Variants in NOL10 observed in about 807,000 individuals in gnomAD.
NOL10 encodes H_NH0074G24.1.
Under a neutral mutation model 103.5 loss-of-function variants are expected in NOL10, and 58 were observed. That is an observed-to-expected ratio of 0.56 (90% CI 0.45 to 0.70). NOL10 has a LOEUF of 0.70. Among genes scored for constraint, NOL10 ranks in the 30% least tolerant of loss-of-function variants. NOL10 has a pLI of 0.00. For synonymous variants in NOL10, 287 were observed against 282.5 expected, an observed-to-expected ratio of 1.02 and a Z score of -0.16; for missense variants, 763 against 807.3, an observed-to-expected ratio of 0.95 and a Z score of 0.67.
At chr2:10,632,071 C>A (rs1231360433) in intron 13 of NOL10, among the ~76,000 whole-genome samples, 1 of 152,170 alleles carries the variant, frequency 6.6e-6, no homozygotes, top group African/African-American at 2.4e-5. Flanking sequence ...GCAAACCAGC[C>A]ATGGTCAAAG....
intron 13 of NOL10, among the ~76,000 whole-genome samples, chr2:10,630,140 T>C (rs182105048): frequency 6.1e-4 from 93 of 152,340 alleles, no homozygotes; most frequent in African/African-American, 2.1e-3. Flanking sequence ...ACCCCGTGAA[T>C]TCTGTTCATT....
At chr2:10,619,887 G>A (rs1287830216) in intron 13 of NOL10, among the ~76,000 whole-genome samples, 1 of 152,150 alleles carries the variant, frequency 6.6e-6, no homozygotes, top group Admixed American at 6.5e-5. Flanking sequence ...TTCACTTCCA[G>A]ACTTTGCAAT....
chr2:10,612,984 A>C (rs1201545881), intron 13 of NOL10, among the ~76,000 whole-genome samples: 1 of 149,220 alleles, frequency 6.7e-6, no homozygotes, highest in Non-Finnish European at 1.5e-5. Flanking sequence ...AGCCTGGGCA[A>C]CAGAATAAGA....
At chr2:10,612,082 C>CACT (rs1676604094) in intron 13 of NOL10, among the ~76,000 whole-genome samples, 1 of 151,826 alleles carries the variant, frequency 6.6e-6, no homozygotes, top group Admixed American at 6.6e-5. Context: ...ATGATGGTGC[C>CACT]ACTGCCCTCC....
At chr2:10,607,750 T>TTTATTATTATTATTATTATTATTA (rs373298093) in intron 13 of NOL10, among the ~76,000 whole-genome samples, 4,133 of 144,670 alleles carry the variant, frequency 0.029, 92 homozygotes, top group East Asian at 0.13. Context: ...AAAAACAATA[T>TTTATTATTATTATTATTATTATTA]TTATTATTAT....
intron 20 of NOL10, among the ~76,000 whole-genome samples, chr2:10,576,281 T>C (rs1007569656): frequency 3.9e-5 from 6 of 152,278 alleles, no homozygotes; most frequent in Non-Finnish European, 4.4e-5. Context: ...GAATGTAAAA[T>C]GGTGCAGCCA....
At chr2:10,606,798 A>T (rs190795075) in intron 14 of NOL10, among the ~76,000 whole-genome samples, 21 of 152,242 alleles carry the variant, frequency 1.4e-4, no homozygotes, top group African/African-American at 5.1e-4. Context: ...CAAACCTAAA[A>T]GGGAGGCAGG....
chr2:10,652,640 A>C (rs1037099056), intron 12 of NOL10, among the ~76,000 whole-genome samples: 1 of 151,988 alleles, frequency 6.6e-6, no homozygotes, highest in Admixed American at 6.6e-5. Context: ...GTCCATTCCC[A>C]TCCGGTTTCT....
intron 17 of NOL10, 120 bp from the exon 18 acceptor site, chr2:10,589,871 A>C (rs914630100): frequency 7.2e-6 from 4 of 556,468 alleles, no homozygotes; most frequent in Non-Finnish European, 1.1e-5. Flanking sequence ...GGCATACATT[A>C]TTAACTCATT....
chr2:10,630,880 TGA>T (rs1319854596), intron 13 of NOL10, among the ~76,000 whole-genome samples: 2 of 152,228 alleles, frequency 1.3e-5, no homozygotes, highest in Admixed American at 1.3e-4. Flanking sequence ...GGACAAGATT[TGA>T]GCAACGACTT....
intron 12 of NOL10, among the ~76,000 whole-genome samples, chr2:10,645,934 CACACACACAT>C (rs1488089948): frequency 7.8e-6 from 1 of 128,666 alleles, no homozygotes; most frequent in African/African-American, 3.6e-5. Flanking sequence ...ACAAAACACA[CACACACACAT>C]ACACACACAC....
rs139887654 is a variant in NOL10 at position 10,623,907 on chromosome 2, G to A, written c.1027-16596C>T. On this transcript the variant is annotated intron_variant, in intron 13 of 20. Transcript: ENST00000381685. ...AACATTGACAACACCAAATGCTGACGAGCATGTGGAGCAACAGGAACTCTC... is the reference window on the plus strand; with the variant it reads ...AACATTGACAACACCAAATGCTGACAAGCATGTGGAGCAACAGGAACTCTC... 5.0e-3 allele frequency among the ~76,000 whole-genome samples: 767 copies of A among 152,270 alleles called. 8 individuals are homozygous for A. Among genetic ancestry groups the A allele is most frequent in the African/African-American group, 0.018 (730 of 41,552 alleles).
intron 8 of NOL10, among the ~76,000 whole-genome samples, chr2:10,663,681 T>C (rs371451737): frequency 6.6e-6 from 1 of 151,338 alleles, no homozygotes; most frequent in Non-Finnish European, 1.5e-5. Context: ...CCAGGCGCGG[T>C]GGCCACGCCT....
chr2:10,651,452 C>G (rs1679449638), intron 12 of NOL10, among the ~76,000 whole-genome samples: 1 of 149,956 alleles, frequency 6.7e-6, no homozygotes, highest in African/African-American at 2.4e-5. Context: ...ATATATTTTA[C>G]TAATCCAACA....
chr2:10,620,724 A>T (rs1677097108), intron 13 of NOL10, among the ~76,000 whole-genome samples: 1 of 152,190 alleles, frequency 6.6e-6, no homozygotes, highest in African/African-American at 2.4e-5. Flanking sequence ...AATATTTAGA[A>T]TCTCACTAAG....
intron 13 of NOL10, among the ~76,000 whole-genome samples, chr2:10,612,081 C>T (rs1161269418): frequency 6.6e-6 from 1 of 151,754 alleles, no homozygotes; most frequent in Non-Finnish European, 1.5e-5. Flanking sequence ...TATGATGGTG[C>T]CACTGCCCTC....
intron 3 of NOL10, 81 bp downstream of exon 3, chr2:10,681,890 G>T: frequency 3.8e-6 from 2 of 520,584 alleles, no homozygotes; most frequent in South Asian, 6.6e-5. Context: ...AAAATATTAG[G>T]GTTAAAAAAA....
intron 5 of NOL10, among the ~76,000 whole-genome samples, chr2:10,672,223 A>AG (rs1259257382): frequency 6.6e-6 from 1 of 152,156 alleles, no homozygotes; most frequent in Non-Finnish European, 1.5e-5. Context: ...GCTACTCAGG[A>AG]GGCTGAGGCA....
intron 17 of NOL10, among the ~76,000 whole-genome samples, chr2:10,596,262 G>A (rs1384487449): frequency 8.4e-6 from 1 of 118,396 alleles, no homozygotes; most frequent in African/African-American, 3.2e-5. Context: ...GTGGTGGGGG[G>A]CGGGGGGCGG....
Sources: gnomAD v4.1 joint callset for allele counts (sites outside exome capture counted in the v4.1 genomes callset) on GRCh38, gnomAD v4.1.1 for gene constraint, MANE v1.5 for transcripts, NCBI Gene and HGNC (gene_info 2026-07-23, HGNC 2026-07-21) for gene names.